The following ADAM12 variants were observed in gnomAD, a reference collection of about 807,000 sequenced individuals.
The protein encoded by ADAM12 is ADAM metallopeptidase domain 12.
Under a neutral mutation model 106.4 loss-of-function variants are expected in ADAM12, and 70 were observed. The observed-to-expected ratio is 0.66, with a 90% CI of 0.54 to 0.80. ADAM12 has a LOEUF of 0.80. ADAM12 is among the 30% of genes least tolerant of loss of function. The pLI is 0.00. For synonymous variants in ADAM12, 420 were observed against 433.5 expected, an observed-to-expected ratio of 0.97 and a Z score of 0.39; for missense variants, 1,010 against 1,171.9, an observed-to-expected ratio of 0.86 and a Z score of 2.02.
chr10:126,085,459 G>C (rs1278355), intron 11 of ADAM12, among the ~76,000 whole-genome samples: 106,836 of 151,976 alleles, frequency 0.7, 38,070 homozygotes, highest in East Asian at 0.82. Context: ...ACTCATCATC[G>C]CTCTCTCCAT....
chr10:126,114,418 A>G (rs1406414392), intron 6 of ADAM12, among the ~76,000 whole-genome samples: 1 of 152,206 alleles, frequency 6.6e-6, no homozygotes, highest in Admixed American at 6.5e-5. Flanking sequence ...TCACATAAAT[A>G]GATATTCAAA....
At chr10:126,208,825 T>C (rs372027275) in intron 3 of ADAM12, among the ~76,000 whole-genome samples, 121 of 150,624 alleles carry the variant, frequency 8.0e-4, no homozygotes, top group African/African-American at 2.8e-3. Flanking sequence ...ACTCTTACAC[T>C]GCGGGATAGA....
intron 1 of ADAM12, among the ~76,000 whole-genome samples, chr10:126,341,836 T>C (rs965112508): frequency 6.6e-6 from 1 of 152,232 alleles, no homozygotes; most frequent in Admixed American, 6.5e-5. Flanking sequence ...TTGAAATGTA[T>C]TTTTTATAGA....
intron 3 of ADAM12, among the ~76,000 whole-genome samples, chr10:126,253,243 G>C (rs1361825658): frequency 6.6e-6 from 1 of 151,654 alleles, no homozygotes; most frequent in Non-Finnish European, 1.5e-5. Flanking sequence ...TTTTTTTTAA[G>C]ACCGAAAGCG....
intron 2 of ADAM12, among the ~76,000 whole-genome samples, chr10:126,310,828 A>G (rs1419753427): frequency 6.6e-6 from 1 of 152,196 alleles, no homozygotes; most frequent in Non-Finnish European, 1.5e-5. Context: ...ATAGTCTCAT[A>G]GCTGTTTGGT....
intron 3 of ADAM12, among the ~76,000 whole-genome samples, chr10:126,276,256 T>C (rs540113630): frequency 8.5e-5 from 13 of 152,320 alleles, no homozygotes; most frequent in South Asian, 2.1e-4. Context: ...CCCTTTATTG[T>C]ACTCATTGTT....
intron 22 of ADAM12, among the ~76,000 whole-genome samples, chr10:126,018,821 T>A (rs548040804): frequency 6.6e-6 from 1 of 152,162 alleles, no homozygotes; most frequent in Non-Finnish European, 1.5e-5. Context: ...TTGTCCCTGT[T>A]TTCCCAGTGT....
intron 20 of ADAM12, among the ~76,000 whole-genome samples, chr10:126,036,946 C>T (rs1412736412): frequency 1.3e-5 from 2 of 152,166 alleles, no homozygotes; most frequent in African/African-American, 2.4e-5. Context: ...GACGTGTTTA[C>T]ACCCATGAAA....
intron 3 of ADAM12, among the ~76,000 whole-genome samples, chr10:126,245,294 C>T (rs1254477274): frequency 3.9e-5 from 6 of 152,104 alleles, no homozygotes; most frequent in Non-Finnish European, 5.9e-5. Context: ...TGCAGCCAGG[C>T]AAGGAAGAGG....
At chr10:126,326,782 C>T (rs530775811) in intron 2 of ADAM12, among the ~76,000 whole-genome samples, 1 of 152,266 alleles carries the variant, frequency 6.6e-6, no homozygotes, top group South Asian at 2.1e-4. Flanking sequence ...CCCTCTGTCG[C>T]TGTTTCCTCG....
At chr10:126,117,757 T>C (rs1476319267) in intron 6 of ADAM12, among the ~76,000 whole-genome samples, 1 of 35,538 alleles carries the variant, frequency 2.8e-5, no homozygotes, top group Non-Finnish European at 4.7e-5. Flanking sequence ...GGGGTAGAAG[T>C]TGGGGGGGCG....
At chr10:126,254,567 A>T (rs1958852451) in intron 3 of ADAM12, among the ~76,000 whole-genome samples, 1 of 152,030 alleles carries the variant, frequency 6.6e-6, no homozygotes, top group African/African-American at 2.4e-5. Context: ...CAGGTGTGTT[A>T]CTCAGCGTCA....
At chr10:126,317,353 G>A (rs1261133059) in intron 2 of ADAM12, among the ~76,000 whole-genome samples, 1 of 152,168 alleles carries the variant, frequency 6.6e-6, no homozygotes, top group Non-Finnish European at 1.5e-5. Flanking sequence ...TTGGGTTTTT[G>A]ACCAAATCTT....
chr10:126,374,367 C>A (rs1050869660), intron 1 of ADAM12, among the ~76,000 whole-genome samples: 1 of 146,478 alleles, frequency 6.8e-6, no homozygotes, highest in Admixed American at 6.7e-5. Context: ...CACAGTAATA[C>A]AGAATCAGCA....
At chr10:126,346,250 T>A (rs1167476218) in intron 1 of ADAM12, among the ~76,000 whole-genome samples, 5 of 152,228 alleles carry the variant, frequency 3.3e-5, no homozygotes, top group African/African-American at 1.2e-4. Flanking sequence ...TCAAAGAACA[T>A]CTTTATTTCT....
At position 126,051,061 on chromosome 10, in the gene ADAM12, A is replaced by G. The variant is rs971629793; in HGVS notation, c.1610-1392T>C. Among the ~76,000 whole-genome samples, 4 of 152,004 alleles carry G rather than the reference A, an allele frequency of 2.6e-5. No individual in the cohort carries two copies. The East Asian group carries it at 5.8e-4, about 22-fold the overall frequency. ...GACACCACCGACACACTCAGCTCCT[A>G]TTAGGGACCTGATTTGTCCGCATTC... is the stretch of plus-strand genomic sequence containing the variant. On this transcript the variant is annotated intron_variant, in intron 14 of 22. Coordinates refer to ENST00000448723, the MANE Select transcript of ADAM12 (RefSeq NM_001288973.2).
At chr10:126,274,771 G>C (rs1959207860) in intron 3 of ADAM12, among the ~76,000 whole-genome samples, 1 of 152,174 alleles carries the variant, frequency 6.6e-6, no homozygotes, top group Non-Finnish European at 1.5e-5. Context: ...GGGAACAATG[G>C]CTTGATATCC....
intron 10 of ADAM12, among the ~76,000 whole-genome samples, chr10:126,097,647 T>C (rs73378610): frequency 0.012 from 1,774 of 152,296 alleles, 39 homozygotes; most frequent in African/African-American, 0.04. Context: ...TCTCTGAGGA[T>C]ACTCCCTGTC....
In ADAM12 at chr10:126,350,465, C is replaced by A. The variant is rs549244008; in HGVS notation, c.89-19956G>T. ...GGAAGAGGGGAGAGGAATTCAGCCC[C>A]GGGACAGAGACAGCTGCCTGGGCAT... is the stretch of plus-strand genomic sequence containing the variant. On this transcript the variant is annotated intron_variant, in intron 1 of 22. Transcript: ENST00000448723. 5.3e-5 allele frequency among the ~76,000 whole-genome samples: 8 copies of A among 152,308 alleles called. No individual in the cohort carries two copies. The East Asian group carries it at 1.5e-3, about 29-fold the overall frequency.
Sources: allele counts gnomAD v4.1 joint callset (sites outside exome capture counted in the v4.1 genomes callset), GRCh38; gene constraint gnomAD v4.1.1; transcripts MANE v1.5; gene names NCBI Gene and HGNC (gene_info 2026-07-23, HGNC 2026-07-21).